The following ARID5B variants were observed in gnomAD, a reference collection of about 807,000 sequenced individuals.
ARID5B encodes the protein AT-rich interactive domain-containing protein 5B.
A neutral mutation model predicts 97.2 loss-of-function variants in ARID5B; 13 were observed. The ratio of observed to expected loss-of-function variants is 0.13; its 90% CI spans 0.09 to 0.21. ARID5B has a LOEUF of 0.21. Among genes scored for constraint, ARID5B ranks in the 10% least tolerant of loss-of-function variants. The probability of loss-of-function intolerance (pLI) is 1.00; values close to 1 mark genes in which losing one functional copy is unlikely to be tolerated. For missense variants in ARID5B, 1,210 were observed against 1,465.3 expected (o/e 0.83, Z 2.84); for synonymous variants, 556 against 570.3 (o/e 0.97, Z 0.36).
rs1041587619 is a variant in ARID5B, at chr10:62,095,383, G to C, written c.*2353G>C. On this transcript the variant is annotated 3_prime_UTR_variant, in exon 10 of 10. Coordinates refer to ENST00000279873, the MANE Select transcript of ARID5B (RefSeq NM_032199.3). ...TGAGTTCGTGTCTCAAAAAAAAAAG[G>C]AGGGGGGGCATCTGTCCCCGGTGGA... 8.6e-6 allele frequency: 2 copies of C among 231,596 alleles called. No homozygotes were observed. The highest frequency in any genetic ancestry group is 4.4e-5 in the African/African-American group (2 of 45,286). The allele number at this position is 231,596 out of a possible 1,614,324, so 14.3% of individuals were successfully genotyped here.
At chr10:61,925,050 C>CA (rs1168660526) in intron 2 of ARID5B, among the ~76,000 whole-genome samples, 2 of 151,852 alleles carry the variant, frequency 1.3e-5, no homozygotes, top group African/African-American at 4.8e-5. Flanking sequence ...ACTGAAAATA[C>CA]AAAAAATGGC....
intron 3 of ARID5B, among the ~76,000 whole-genome samples, chr10:61,949,298 T>C (rs571166528): frequency 3.9e-5 from 6 of 152,354 alleles, no homozygotes; most frequent in Non-Finnish European, 8.8e-5. Context: ...GTTTTGTCTA[T>C]TTTTTCTAGC....
chr10:62,077,712 T>C (rs1031840449), intron 8 of ARID5B, among the ~76,000 whole-genome samples: 1 of 152,224 alleles, frequency 6.6e-6, no homozygotes, highest in Non-Finnish European at 1.5e-5. Flanking sequence ...TGAGAATAGA[T>C]TAGGTGTCTT....
chr10:62,024,115 G>A (rs74802227), intron 4 of ARID5B, among the ~76,000 whole-genome samples: 3,268 of 152,188 alleles, frequency 0.021, 53 homozygotes, highest in Non-Finnish European at 0.032. Flanking sequence ...CAAGGCCATC[G>A]TTCATCAATT....
chr10:61,982,165 G>A (rs76214835), intron 3 of ARID5B, among the ~76,000 whole-genome samples: 18 of 152,272 alleles, frequency 1.2e-4, no homozygotes, highest in African/African-American at 3.9e-4. Flanking sequence ...CATCCTTGCC[G>A]TGTGCTCTGA....
intron 3 of ARID5B, among the ~76,000 whole-genome samples, chr10:61,947,469 C>T (rs1427834103): frequency 1.3e-5 from 2 of 151,840 alleles, no homozygotes; most frequent in African/African-American, 2.4e-5. Flanking sequence ...CGGGGTTTCA[C>T]GATGTTGGCC....
At chr10:62,018,547 G>T (rs530693503) in intron 4 of ARID5B, among the ~76,000 whole-genome samples, 1 of 150,340 alleles carries the variant, frequency 6.7e-6, no homozygotes, top group South Asian at 2.1e-4. Context: ...AATATTGCCC[G>T]GTCTCCATGT....
rs184723720 is a variant in ARID5B, at chr10:61,954,185, C to T, written c.502+13777C>T. On this transcript the variant is annotated intron_variant, in intron 3 of 9. Transcript: ENST00000279873. ...CCAGCCTGACCAACATGGAGAAACC[C>T]CGTATCCACTAAAAATACAAAATTA... 2.8e-3 allele frequency among the ~76,000 whole-genome samples: 422 copies of T among 151,988 alleles called. 2 individuals are homozygous for T. The highest frequency in any genetic ancestry group is 9.5e-3 in the African/African-American group (393 of 41,468).
At chr10:62,054,858 G>A (rs1401067401) in intron 5 of ARID5B, among the ~76,000 whole-genome samples, 1 of 152,144 alleles carries the variant, frequency 6.6e-6, no homozygotes, top group Non-Finnish European at 1.5e-5. Context: ...AAACCCAGAG[G>A]TCTGCCCCTT....
chr10:62,050,029 G>A (rs769102145), intron 4 of ARID5B, among the ~76,000 whole-genome samples: 1 of 152,094 alleles, frequency 6.6e-6, no homozygotes, highest in South Asian at 2.1e-4. Flanking sequence ...AGCTGATGCC[G>A]GATAGTCATA....
intron 2 of ARID5B, among the ~76,000 whole-genome samples, chr10:61,932,677 G>A (rs142250673): frequency 6.6e-5 from 10 of 152,154 alleles, no homozygotes; most frequent in East Asian, 1.9e-4. Flanking sequence ...TTCATTTCAC[G>A]AAAGATTACT....
chr10:62,041,602 G>A (rs1450122695), intron 4 of ARID5B, among the ~76,000 whole-genome samples: 1 of 152,098 alleles, frequency 6.6e-6, no homozygotes, highest in Non-Finnish European at 1.5e-5. Context: ...ATATTAAAAT[G>A]TATCCCATGA....
intron 3 of ARID5B, among the ~76,000 whole-genome samples, chr10:61,975,659 TG>T (rs1407166263): frequency 1.3e-5 from 2 of 152,200 alleles, no homozygotes. Flanking sequence ...AAGTATTAAA[TG>T]GTCTATATTG....
At chr10:61,956,130 A>G (rs1838388125) in intron 3 of ARID5B, among the ~76,000 whole-genome samples, 1 of 152,212 alleles carries the variant, frequency 6.6e-6, no homozygotes, top group African/African-American at 2.4e-5. Flanking sequence ...GTGGACTGGT[A>G]CTAGCCCCTG....
intron 3 of ARID5B, among the ~76,000 whole-genome samples, chr10:61,967,062 C>T (rs1460881445): frequency 1.3e-5 from 2 of 151,932 alleles, no homozygotes; most frequent in Non-Finnish European, 1.5e-5. Context: ...TTGCATTTTC[C>T]GTTACTAGAT....
chr10:62,087,991 A>G (rs1024304642), intron 9 of ARID5B, among the ~76,000 whole-genome samples: 1 of 151,834 alleles, frequency 6.6e-6, no homozygotes, highest in Non-Finnish European at 1.5e-5. Flanking sequence ...CAGCCTCCCG[A>G]GTAGCTAGGA....
At chr10:61,983,574 T>C (rs911282489) in intron 3 of ARID5B, among the ~76,000 whole-genome samples, 1 of 152,176 alleles carries the variant, frequency 6.6e-6, no homozygotes, top group African/African-American at 2.4e-5. Context: ...ACACCTATTA[T>C]ATAGATGTTC....
intron 4 of ARID5B, among the ~76,000 whole-genome samples, chr10:62,003,401 G>C (rs564644294): frequency 6.6e-6 from 1 of 152,146 alleles, no homozygotes; most frequent in Non-Finnish European, 1.5e-5. Flanking sequence ...GAAAAAGGCA[G>C]GGTTTGATCT....
intron 9 of ARID5B, among the ~76,000 whole-genome samples, chr10:62,087,135 T>C (rs1840297173): frequency 6.6e-6 from 1 of 150,756 alleles, no homozygotes; most frequent in Non-Finnish European, 1.5e-5. Context: ...CCGTCTCTAC[T>C]AAAAATACAA....
Sources: gnomAD v4.1 joint callset for allele counts (sites outside exome capture counted in the v4.1 genomes callset) on GRCh38, gnomAD v4.1.1 for gene constraint, MANE v1.5 for transcripts, NCBI Gene and HGNC (gene_info 2026-07-23, HGNC 2026-07-21) for gene names.